PPP1R13B: variants seen among roughly 807,000 people sequenced by gnomAD.
The protein encoded by PPP1R13B is protein phosphatase 1 regulatory subunit 13B.
A neutral mutation model predicts 119.8 loss-of-function variants in PPP1R13B; 44 were observed. The observed-to-expected ratio is 0.37, with a 90% CI of 0.29 to 0.47. The LOEUF (loss-of-function observed/expected upper bound fraction) is 0.47. Among genes scored for constraint, PPP1R13B ranks in the 20% least tolerant of loss-of-function variants. The pLI is 0.99. For synonymous variants in PPP1R13B, 542 were observed against 561.5 expected (o/e 0.97, Z 0.49); for missense variants, 1,227 against 1,413.5 (o/e 0.87, Z 2.12).
intron 4 of PPP1R13B, among the ~76,000 whole-genome samples, chr14:103,776,156 G>C (rs1397414836): frequency 3.0e-5 from 4 of 135,420 alleles, no homozygotes; most frequent in Non-Finnish European, 6.4e-5. Flanking sequence ...AAGGAAGGAA[G>C]GGAGGAAGGG....
chr14:103,811,485 C>T (rs1162151110), intron 1 of PPP1R13B, among the ~76,000 whole-genome samples: 3 of 151,852 alleles, frequency 2.0e-5, no homozygotes. Context: ...CCCAAGAGTT[C>T]GAGAACAGTC....
chr14:103,790,734 G>A (rs76935226), intron 2 of PPP1R13B, among the ~76,000 whole-genome samples: 1 of 152,196 alleles, frequency 6.6e-6, no homozygotes, highest in East Asian at 1.9e-4. Flanking sequence ...CTGAGCGTGG[G>A]TGGCTCACGC....
chr14:103,737,806 C>G lies in PPP1R13B; in HGVS notation c.2919G>C (p.Leu973=). The change falls in exon 15 of 17, where the codon CTG becomes CTC. Residue 973 remains leucine (L), a synonymous_variant. Coordinates refer to ENST00000202556, the MANE Select transcript of PPP1R13B (RefSeq NM_015316.3). The part of the protein sequence containing the change: ...SCNSVHLCKQ[L]VESGAAIFAS... ...CAAAAATGGCGGCACCACTCTCCAC[C>G]AGCTGTTTGCAGAGGTGAACGCTGT... The G allele has an allele frequency of 6.2e-7, 1 of 1,614,226 alleles. No individual in the cohort carries two copies. Among genetic ancestry groups the G allele is most frequent in the Non-Finnish European group, 8.5e-7 (1 of 1,180,036 alleles).
At position 103,733,566 on chromosome 14, in the gene PPP1R13B, C is replaced by CTT. The variant is rs1340731303; in HGVS notation, c.*1586_*1587dup. The CTT allele has an allele frequency of 6.5e-6, 1 of 153,276 alleles. No individual in the cohort carries two copies. Among genetic ancestry groups the CTT allele is most frequent in the Non-Finnish European group, 1.5e-5 (1 of 68,502 alleles). 9.5% of individuals were successfully genotyped at this position (153,276 alleles called of 1,614,324 possible). On this transcript the variant is annotated 3_prime_UTR_variant, in exon 17 of 17. Coordinates refer to ENST00000202556, the MANE Select transcript of PPP1R13B (RefSeq NM_015316.3). ...TACTTCACCAAGGGGAACGTGGGGG[C>CTT]TTTGTGTTTTGTACTTTTCACTCAC... is the stretch of plus-strand genomic sequence containing the variant.
chr14:103,771,475 C>CTTTTT (rs57795299), intron 4 of PPP1R13B, among the ~76,000 whole-genome samples: 24 of 96,972 alleles, frequency 2.5e-4, no homozygotes, highest in South Asian at 6.4e-4. Flanking sequence ...ACTAACACTT[C>CTTTTT]TTTTTTTTTT....
At chr14:103,828,630 C>T (rs2086603540) in intron 1 of PPP1R13B, among the ~76,000 whole-genome samples, 3 of 152,096 alleles carry the variant, frequency 2.0e-5, no homozygotes, top group African/African-American at 7.2e-5. Context: ...GAAGGGCTGC[C>T]TGCTCCAACA....
At chr14:103,748,508 A>G (rs909729453) in intron 8 of PPP1R13B, among the ~76,000 whole-genome samples, 2 of 152,182 alleles carry the variant, frequency 1.3e-5, no homozygotes, top group Admixed American at 1.3e-4. Context: ...CTGTCACCAA[A>G]CTATATGCAG....
chr14:103,814,328 G>T (rs762442825), intron 1 of PPP1R13B, among the ~76,000 whole-genome samples: 1 of 152,090 alleles, frequency 6.6e-6, no homozygotes, highest in African/African-American at 2.4e-5. Flanking sequence ...CAGCCTGGGC[G>T]ACAGAGCAAG....
intron 1 of PPP1R13B, among the ~76,000 whole-genome samples, chr14:103,798,739 G>A (rs906410510): frequency 4.6e-5 from 7 of 152,060 alleles, no homozygotes; most frequent in Non-Finnish European, 7.4e-5. Flanking sequence ...GTCTCACTCC[G>A]TCACCCAGGC....
chr14:103,782,180 A>G (rs2085353366), intron 3 of PPP1R13B, among the ~76,000 whole-genome samples: 1 of 152,164 alleles, frequency 6.6e-6, no homozygotes, highest in Admixed American at 6.6e-5. Context: ...TGCTTTATAC[A>G]TATACACATA....
intron 9 of PPP1R13B, among the ~76,000 whole-genome samples, chr14:103,744,518 G>A (rs2084341999): frequency 6.6e-6 from 1 of 152,190 alleles, no homozygotes; most frequent in African/African-American, 2.4e-5. Context: ...GATGTGATGA[G>A]CAGACCTTTG....
At chr14:103,786,979 A>ATTGCAAAACTAATCTT (rs2085480144) in intron 2 of PPP1R13B, among the ~76,000 whole-genome samples, 1 of 150,036 alleles carries the variant, frequency 6.7e-6, no homozygotes, top group African/African-American at 2.5e-5. Context: ...AAGTGCTGGG[A>ATTGCAAAACTAATCTT]TTACGGGCGT....
Position 103,740,724 on chromosome 14 carries a change from A to C in PPP1R13B, c.1823-131T>G. ...CATCTGCTGCTGTTATTCAATTCTC[A>C]TTTCAAATCTCTGAGGAAACCTCCC... On this transcript the variant is annotated intron_variant, in intron 11 of 16. Coordinates refer to ENST00000202556, the MANE Select transcript of PPP1R13B (RefSeq NM_015316.3). The surrounding 1 kb of genome is among the most constrained non-coding windows in gnomAD (Gnocchi z 4.6). The C allele has an allele frequency of 3.8e-5, 30 of 796,242 alleles. No individual in the cohort carries two copies. Among genetic ancestry groups the C allele is most frequent in the South Asian group, 5.1e-5 (1 of 19,728 alleles). The allele number at this position is 796,242 out of a possible 1,614,324, so 49.3% of individuals were successfully genotyped here. A position where few individuals can be genotyped will look rare whatever the true frequency, so the allele number is the denominator to read the frequency against.
chr14:103,746,293 C>CA, intron 9 of PPP1R13B, 80 bp downstream of exon 9: 1 of 187,988 alleles, frequency 5.3e-6, no homozygotes, highest in South Asian at 1.1e-4. Context: ...CAGGAGCCTG[C>CA]CCCACCCCCC....
At chr14:103,746,145 A>C (rs2084379330) in intron 9 of PPP1R13B, among the ~76,000 whole-genome samples, 1 of 152,192 alleles carries the variant, frequency 6.6e-6, no homozygotes, top group Admixed American at 6.5e-5. Flanking sequence ...TGTTTTGAAA[A>C]GCCACACAGT....
chr14:103,791,023 G>T (rs555491739), intron 2 of PPP1R13B, among the ~76,000 whole-genome samples: 2 of 152,136 alleles, frequency 1.3e-5, no homozygotes, highest in African/African-American at 2.4e-5. Context: ...ATAAGTGATT[G>T]TAATTTACTG....
chr14:103,815,986 A>G (rs1023824393), intron 1 of PPP1R13B, among the ~76,000 whole-genome samples: 1 of 150,922 alleles, frequency 6.6e-6, no homozygotes, highest in Admixed American at 6.6e-5. Context: ...CGGGAGGCTG[A>G]GGCAGGAGAA....
At chr14:103,843,432 T>G (rs1315231520) in intron 1 of PPP1R13B, among the ~76,000 whole-genome samples, 2 of 152,144 alleles carry the variant, frequency 1.3e-5, no homozygotes, top group African/African-American at 4.8e-5. Context: ...ATAATCTAAA[T>G]TGGGCTTTCC....
chr14:103,784,583 CAAAAAAAAAAAAAAAA>C (rs546875688), intron 3 of PPP1R13B, among the ~76,000 whole-genome samples, 196 bp downstream of exon 3: 4 of 60,584 alleles, frequency 6.6e-5, no homozygotes, highest in Non-Finnish European at 1.2e-4. Context: ...ACTCTGTCTC[CAAAAAAAAAAAAAAAA>C]AAAAAAAAAA....
Sources: allele counts gnomAD v4.1 joint callset (sites outside exome capture counted in the v4.1 genomes callset), GRCh38; gene constraint gnomAD v4.1.1; non-coding constraint Gnocchi (gnomAD v3.1); transcripts MANE v1.5; gene names NCBI Gene and HGNC (gene_info 2026-07-23, HGNC 2026-07-21).